TLE1: variants seen among roughly 807,000 people sequenced by gnomAD.
The protein encoded by TLE1 is transducin-like enhancer protein 1.
A neutral mutation model predicts 89.8 loss-of-function variants in TLE1; 21 were observed. The observed-to-expected ratio is 0.23, with a 90% CI of 0.17 to 0.34. TLE1 has a LOEUF of 0.34. Ranked by LOEUF, TLE1 falls within the 10% of genes least tolerant of loss-of-function variation. The probability of loss-of-function intolerance (pLI) is 1.00; values close to 1 mark genes in which losing one functional copy is unlikely to be tolerated. For missense variants in TLE1, 795 were observed against 1,031.2 expected (o/e 0.77, Z 3.14); for synonymous variants, 447 against 407.6 (o/e 1.10, Z -1.16).
At chr9:81,636,397 C>G (rs982047854) in intron 6 of TLE1, among the ~76,000 whole-genome samples, 1 of 133,446 alleles carries the variant, frequency 7.5e-6, no homozygotes, top group Admixed American at 9.3e-5. Flanking sequence ...GACTGCCCTA[C>G]CAGCAATTAC....
At chr9:81,641,543 A>G (rs1156786622) in intron 6 of TLE1, among the ~76,000 whole-genome samples, 3 of 152,374 alleles carry the variant, frequency 2.0e-5, no homozygotes, top group Admixed American at 6.5e-5. Context: ...CATACCTCAA[A>G]TAAGAGTTAA....
intron 6 of TLE1, among the ~76,000 whole-genome samples, chr9:81,637,514 CT>C (rs1386887151): frequency 6.6e-5 from 10 of 152,150 alleles, no homozygotes; most frequent in African/African-American, 2.4e-4. Context: ...ATTCAACAGC[CT>C]AACTGGCCAT....
At chr9:81,613,609 C>T in intron 11 of TLE1, 88 bp from the exon 12 acceptor site, 1 of 1,463,422 alleles carries the variant, frequency 6.8e-7, no homozygotes. Context: ...GGACACTGGG[C>T]ACCTTCTAGC....
chr9:81,655,832 G>A (rs1323124550), intron 4 of TLE1, among the ~76,000 whole-genome samples: 8 of 141,834 alleles, frequency 5.6e-5, no homozygotes, highest in Non-Finnish European at 1.2e-4. Context: ...CAGCCAAGGC[G>A]ACAGAGCAAG....
intron 4 of TLE1, among the ~76,000 whole-genome samples, chr9:81,675,413 C>T (rs1261881702): frequency 6.6e-6 from 1 of 152,014 alleles, no homozygotes; most frequent in African/African-American, 2.4e-5. Flanking sequence ...GCTTGTCATG[C>T]AATTCATCTA....
At chr9:81,634,420 C>G in intron 6 of TLE1, 119 bp from the exon 7 acceptor site, 1 of 797,726 alleles carries the variant, frequency 1.3e-6, no homozygotes, top group Non-Finnish European at 1.9e-6. Context: ...AAGGCGGAAA[C>G]AGAACAGGAG....
intron 14 of TLE1, among the ~76,000 whole-genome samples, chr9:81,606,458 C>A (rs1831666405): frequency 6.6e-6 from 1 of 152,140 alleles, no homozygotes; most frequent in Non-Finnish European, 1.5e-5. Context: ...AGGATGAGTT[C>A]ATGTCCTTTG....
At chr9:81,624,652 T>A (rs1029681999) in intron 8 of TLE1, among the ~76,000 whole-genome samples, 2 of 152,220 alleles carry the variant, frequency 1.3e-5, no homozygotes, top group Non-Finnish European at 2.9e-5. Context: ...TATTTCACCT[T>A]GCAGCTGGTA....
Position 81,613,409 on chromosome 9 carries a change from G to T in TLE1, c.1031C>A (p.Pro344His). ...TPGLRPGLGK[P>H]PAIDPLVNQA... Reference sequence around the variant, plus strand: ...GTTAACGAGGGGGTCTATGGCTGGAGGCTTGCCGAGACCTGGACGGAGGCC... The same window carrying T: ...GTTAACGAGGGGGTCTATGGCTGGATGCTTGCCGAGACCTGGACGGAGGCC... Residue 344 changes from proline (P) to histidine (H), a missense_variant, in exon 12 of 20, where the codon CCT becomes CAT. Transcript: ENST00000376499. 6.2e-7 allele frequency: 1 copy of T among 1,614,138 alleles called. No individual in the cohort carries two copies. The highest frequency in any genetic ancestry group is 8.5e-7 in the Non-Finnish European group (1 of 1,179,980).
intron 16 of TLE1, among the ~76,000 whole-genome samples, chr9:81,588,441 GT>G (rs543504067): frequency 1.7e-3 from 264 of 152,252 alleles, no homozygotes; most frequent in African/African-American, 6.0e-3. Flanking sequence ...GAGACAAAGG[GT>G]CACGCATGCC....
intron 11 of TLE1, 87 bp downstream of exon 11, chr9:81,615,894 AC>A: frequency 6.6e-7 from 1 of 1,525,322 alleles, no homozygotes; most frequent in Non-Finnish European, 8.9e-7. Flanking sequence ...AAGCAGCAAA[AC>A]CCCCACATTT....
intron 6 of TLE1, among the ~76,000 whole-genome samples, chr9:81,651,525 C>T (rs1829530735): frequency 6.6e-6 from 1 of 152,110 alleles, no homozygotes; most frequent in Admixed American, 6.6e-5. Flanking sequence ...AACAATTCTT[C>T]CATGGCAAGA....
At chr9:81,630,540 T>C (rs1826450008) in intron 8 of TLE1, among the ~76,000 whole-genome samples, 1 of 152,132 alleles carries the variant, frequency 6.6e-6, no homozygotes, top group African/African-American at 2.4e-5. Context: ...CTAGTAAATA[T>C]CAAAATATAA....
chr9:81,585,668 A>G lies in TLE1; in HGVS notation c.1978-13T>C, dbSNP rs773288198. ...CCAGGGAGAAGATCTACAAGGAGCAAGACAGGCTCACTCATTATTCCGCCT... is the reference window on the plus strand; with the variant it reads ...CCAGGGAGAAGATCTACAAGGAGCAGGACAGGCTCACTCATTATTCCGCCT... On this transcript the variant is annotated splice_polypyrimidine_tract_variant and intron_variant, in intron 17 of 19. Coordinates refer to ENST00000376499, the MANE Select transcript of TLE1 (RefSeq NM_005077.5). 1.4e-5 allele frequency: 23 copies of G among 1,613,274 alleles called. No homozygotes were observed. Among genetic ancestry groups the G allele is most frequent in the Admixed American group, 3.3e-5 (2 of 59,920 alleles).
At chr9:81,613,342 A>C in intron 12 of TLE1, 35 bp downstream of exon 12, 1 of 1,603,730 alleles carries the variant, frequency 6.2e-7, no homozygotes, top group Non-Finnish European at 8.5e-7. Context: ...GAATGGGAGA[A>C]ACCAAACAAA....
In TLE1 at chr9:81,585,624, T is replaced by A; in HGVS notation, c.2009A>T (p.Glu670Val). The change falls in exon 18 of 20, where the codon GAG becomes GTG. Residue 670 changes from glutamate to valine, a missense_variant. Physicochemically the swap from Glu to Val is moderately radical, Grantham distance 121. Around this residue, in one of 4 missense-constraint regions of TLE1, gnomAD observed 214 missense variants for 354.9 expected, o/e 0.60. Transcript: ENST00000376499. Reference sequence around the variant, plus strand: ...GCTCTCCATGCCCACTGCCAGCCACTCCCCGGTGGGGCAGTACCCCAGGGA... The same window carrying A: ...GCTCTCCATGCCCACTGCCAGCCACACCCCGGTGGGGCAGTACCCCAGGGA... ...IFSLGYCPTG[E>V]WLAVGMESSN... 1 of 1,613,896 alleles carries A rather than the reference T, an allele frequency of 6.2e-7. No homozygotes were observed. Among genetic ancestry groups the A allele is most frequent in the Non-Finnish European group, 8.5e-7 (1 of 1,179,998 alleles).
intron 4 of TLE1, among the ~76,000 whole-genome samples, chr9:81,663,178 A>G (rs1220316911): frequency 6.6e-6 from 1 of 152,134 alleles, no homozygotes; most frequent in Non-Finnish European, 1.5e-5. Flanking sequence ...TTTCATCAGG[A>G]AGGGAGATAA....
intron 6 of TLE1, among the ~76,000 whole-genome samples, chr9:81,637,965 C>G (rs1827619261): frequency 6.6e-6 from 1 of 152,148 alleles, no homozygotes; most frequent in African/African-American, 2.4e-5. Flanking sequence ...CTTTTGTTTC[C>G]TAGGACAAGA....
rs1166399008 is a variant in TLE1 at position 81,613,366 on chromosome 9, C to A, written c.1063+11G>T. 3.1e-6 allele frequency: 5 copies of A among 1,611,928 alleles called. No homozygotes were observed. The highest frequency in any genetic ancestry group is 4.2e-6 in the Non-Finnish European group (5 of 1,179,136). ...AAACCAAACAAAGCACAACAAGAGG[C>A]GATGCTGTACCCGCTTGGTTAACGA... On this transcript the variant is annotated intron_variant, in intron 12 of 19. Transcript: ENST00000376499.
Sources: allele counts gnomAD v4.1 joint callset (sites outside exome capture counted in the v4.1 genomes callset), GRCh38; gene constraint gnomAD v4.1.1; regional missense constraint gnomAD v4.1.1; transcripts MANE v1.5; gene names NCBI Gene and HGNC (gene_info 2026-07-23, HGNC 2026-07-21).